The following OR51B5 variants were observed in gnomAD, a reference collection of about 807,000 sequenced individuals.
OR51B5 encodes the protein olfactory receptor family 51 subfamily B member 5, also known as olfactory receptor 51B5.
For synonymous variants in OR51B5, 186 were observed against 144.8 expected, an observed-to-expected ratio of 1.28 and a Z score of -2.04; for missense variants, 456 against 374.6, an observed-to-expected ratio of 1.22 and a Z score of -1.79.
chr11:5,412,745 A>G (rs903947567), intron 1 of OR51B5, among the ~76,000 whole-genome samples: 29 of 151,548 alleles, frequency 1.9e-4, no homozygotes, highest in Non-Finnish European at 3.3e-4. Context: ...GGGGAGGGGC[A>G]CCCGCCATTG....
At chr11:5,426,832 A>C (rs1850457937) in intron 1 of OR51B5, among the ~76,000 whole-genome samples, 1 of 152,036 alleles carries the variant, frequency 6.6e-6, no homozygotes, top group South Asian at 2.1e-4. Flanking sequence ...TTATCTTAAA[A>C]CTCCTTTTCT....
At chr11:5,485,233 A>G (rs144987939) in intron 1 of OR51B5, among the ~76,000 whole-genome samples, 3 of 152,332 alleles carry the variant, frequency 2.0e-5, no homozygotes, top group Admixed American at 6.5e-5. Context: ...AAATTTTACC[A>G]AAGCACATAT....
chr11:5,397,117 GC>G (rs1282725341), intron 1 of OR51B5, among the ~76,000 whole-genome samples: 1 of 152,152 alleles, frequency 6.6e-6, no homozygotes, highest in Admixed American at 6.5e-5. Flanking sequence ...GAAAACCTAA[GC>G]AATACCATTC....
intron 1 of OR51B5, among the ~76,000 whole-genome samples, chr11:5,349,858 C>T (rs1335678811): frequency 2.0e-5 from 3 of 152,236 alleles, no homozygotes; most frequent in East Asian, 1.9e-4. Context: ...GAAGTTCCCA[C>T]ATTGGCTCAT....
intron 1 of OR51B5, among the ~76,000 whole-genome samples, chr11:5,360,137 G>C (rs1376449226): frequency 4.0e-5 from 6 of 151,362 alleles, no homozygotes; most frequent in African/African-American, 7.3e-5. Context: ...AGCCAAAATG[G>C]ACAAATGGGA....
intron 1 of OR51B5, among the ~76,000 whole-genome samples, chr11:5,377,932 G>A (rs574660206): frequency 6.6e-6 from 1 of 151,900 alleles, no homozygotes; most frequent in African/African-American, 2.4e-5. Context: ...AGCTACCAAT[G>A]ATTTTCTTCA....
intron 1 of OR51B5, among the ~76,000 whole-genome samples, chr11:5,374,769 G>A (rs190311284): frequency 6.6e-5 from 10 of 152,090 alleles, no homozygotes; most frequent in Admixed American, 5.9e-4. Context: ...GAAGCGAGAA[G>A]GGAAGTTTAG....
chr11:5,346,001 C>T (rs186699529), upstream of OR51B5: 2 of 152,184 alleles, frequency 1.3e-5, no homozygotes, highest in Non-Finnish European at 2.9e-5. Context: ...AGCTCCTCCC[C>T]TTCTGTGTTC....
chr11:5,478,170 G>A lies in OR51B5; in HGVS notation n.84+27399C>T, dbSNP rs530781037. Among the ~76,000 whole-genome samples the A allele has an allele frequency of 1.4e-3, 218 of 151,968 alleles. 7 individuals carry two copies. In the South Asian group the frequency reaches 0.042, roughly 29 times the overall value. Reference sequence around the variant, plus strand: ...AGCAAGCAGCTGGAGATCTGAGAACGGGTAGACTGCCTCCTCAAGTGGGTC... The same window carrying A: ...AGCAAGCAGCTGGAGATCTGAGAACAGGTAGACTGCCTCCTCAAGTGGGTC... On this transcript the variant is annotated intron_variant and non_coding_transcript_variant, in intron 1 of 4. Coordinates refer to the OR51B5 transcript ENST00000415970.
At chr11:5,477,185 C>T (rs572387648) in intron 1 of OR51B5, among the ~76,000 whole-genome samples, 5 of 152,110 alleles carry the variant, frequency 3.3e-5, no homozygotes, top group South Asian at 2.1e-4. Context: ...AACTGAATTT[C>T]GTGAGCGCCA....
At chr11:5,433,839 G>GAA (rs112585133) in intron 1 of OR51B5, among the ~76,000 whole-genome samples, 8 of 145,756 alleles carry the variant, frequency 5.5e-5, no homozygotes, top group African/African-American at 1.5e-4. Context: ...ATCTAAAAAT[G>GAA]AAAAAAAAAA....
chr11:5,446,267 T>C (rs891858777), intron 1 of OR51B5, among the ~76,000 whole-genome samples: 1 of 149,376 alleles, frequency 6.7e-6, no homozygotes, highest in Non-Finnish European at 1.5e-5. Flanking sequence ...AATACATACA[T>C]AAAAAAAGAA....
Position 5,362,225 on chromosome 11 carries a change from G to C in OR51B5, n.85-15315C>G, listed in dbSNP as rs542639002. Reference sequence around the variant, plus strand: ...CAGATAGAGAGTGATAGTGGATCCCGTGTTTCTGTCGGGGGATGGGAGTAG... The same window carrying C: ...CAGATAGAGAGTGATAGTGGATCCCCTGTTTCTGTCGGGGGATGGGAGTAG... On this transcript the variant is annotated intron_variant and non_coding_transcript_variant, in intron 1 of 4. Transcript: ENST00000415970. Among the ~76,000 whole-genome samples, 11 of 152,286 alleles carry C rather than the reference G, an allele frequency of 7.2e-5. No individual in the cohort carries two copies. In the South Asian group the frequency reaches 2.3e-3, roughly 32 times the overall value.
rs1371250304 is a variant in OR51B5 at position 5,352,028 on chromosome 11, A to G, written n.85-5118T>C. ...TACTGTCGATCCCATGTACTCTCCC[A>G]TGCTTTCTGTCTACACCAAGATGTC... On this transcript the variant is annotated intron_variant and non_coding_transcript_variant, in intron 1 of 4. Coordinates refer to the OR51B5 transcript ENST00000415970. The G allele has an allele frequency of 6.8e-6, 11 of 1,613,800 alleles. No homozygotes were observed. The highest frequency in any genetic ancestry group is 9.3e-6 in the Non-Finnish European group (11 of 1,179,842).
In OR51B5 at chr11:5,440,994, T is replaced by A. The variant is rs773108370; in HGVS notation, n.84+64575A>T. The A allele has an allele frequency of 1.9e-6, 3 of 1,613,806 alleles. No homozygotes were observed. The Admixed American group carries it at 5.0e-5, about 27-fold the overall frequency. ...GAGACAGTAGGAGTGATGCAAAACA[T>A]TGCCTTTGCAGAAGGGCAGTCGTTT... On this transcript the variant is annotated intron_variant and non_coding_transcript_variant, in intron 1 of 4. Transcript: ENST00000415970.
chr11:5,397,268 A>G (rs1849890268), intron 1 of OR51B5, among the ~76,000 whole-genome samples: 1 of 152,204 alleles, frequency 6.6e-6, no homozygotes, highest in African/African-American at 2.4e-5. Context: ...TGAACAGGCA[A>G]CCTACACAAT....
chr11:5,376,443 G>C (rs1849529321), intron 1 of OR51B5, among the ~76,000 whole-genome samples: 1 of 152,038 alleles, frequency 6.6e-6, no homozygotes, highest in South Asian at 2.1e-4. Flanking sequence ...GCTAGCAGAA[G>C]TCAAGAAATA....
intron 1 of OR51B5, among the ~76,000 whole-genome samples, chr11:5,474,857 A>C (rs1418503385): frequency 6.6e-6 from 1 of 152,206 alleles, no homozygotes; most frequent in Non-Finnish European, 1.5e-5. Context: ...AAATAATTAC[A>C]TGCATTAATT....
intron 1 of OR51B5, among the ~76,000 whole-genome samples, chr11:5,474,570 G>T (rs1364814222): frequency 2.0e-5 from 3 of 152,076 alleles, no homozygotes; most frequent in Non-Finnish European, 4.4e-5. Context: ...TTGTAGTTAA[G>T]CCTTTTCCTC....
Sources: gnomAD v4.1 joint callset for allele counts (sites outside exome capture counted in the v4.1 genomes callset) on GRCh38, gnomAD v4.1.1 for gene constraint, MANE v1.5 for transcripts, NCBI Gene and HGNC (gene_info 2026-07-23, HGNC 2026-07-21) for gene names.